Variants in CIMAP1A observed in about 807,000 individuals in gnomAD.
CIMAP1A encodes the protein cancer/testis antigen 135.
At chr11:200,184 T>C in the CIMAP1A span, 1 of 656,252 alleles carries the variant, frequency 1.5e-6, no homozygotes, top group Non-Finnish European at 2.6e-6. Context: ...AGTTACTTTT[T>C]TTCTATGCTA....
chr11:198,231 G>T, the CIMAP1A span: 1 of 1,614,006 alleles, frequency 6.2e-7, no homozygotes, highest in Non-Finnish European at 8.5e-7. Flanking sequence ...CACCAAGTAC[G>T]TGTTCGACTC....
chr11:198,071 C>A, the CIMAP1A span: 27 of 1,546,772 alleles, frequency 1.7e-5, no homozygotes, highest in East Asian at 3.2e-4. Flanking sequence ...CCTGACCCGA[C>A]TTGGTCACCA....
At chr11:198,291 A>G in the CIMAP1A span, 4 of 1,614,002 alleles carry the variant, frequency 2.5e-6, no homozygotes, top group Middle Eastern at 1.6e-4. Flanking sequence ...CCGAGTGGAC[A>G]GCACCCCAGG....
chr11:200,219 T>C, the CIMAP1A span: 2 of 594,386 alleles, frequency 3.4e-6, no homozygotes, highest in Non-Finnish European at 5.9e-6. Context: ...AATCTTGTTT[T>C]CTGCTGTGCC....
At chr11:198,929 G>C in the CIMAP1A span, 1 of 1,199,970 alleles carries the variant, frequency 8.3e-7, no homozygotes, top group Non-Finnish European at 1.0e-6. Context: ...GGGGGAGGAG[G>C]GTCCTGGTTT....
At chr11:200,166 T>C in the CIMAP1A span, 2 of 733,358 alleles carry the variant, frequency 2.7e-6, no homozygotes, top group Non-Finnish European at 4.4e-6. Flanking sequence ...GTTTGGGCAA[T>C]TGTAATCAGT....
chr11:197,578 C>A, the CIMAP1A span: 5 of 1,613,212 alleles, frequency 3.1e-6, no homozygotes, highest in Non-Finnish European at 3.4e-6. Context: ...GAAGCACACG[C>A]CCACCAAGCT....
the CIMAP1A span, chr11:199,821 A>G: frequency 6.8e-7 from 1 of 1,479,146 alleles, no homozygotes; most frequent in Non-Finnish European, 8.9e-7. Context: ...CAAACCTGGG[A>G]GCATAGCTTC....
At chr11:197,286 C>G in the CIMAP1A span, 2 of 1,542,404 alleles carry the variant, frequency 1.3e-6, no homozygotes, top group East Asian at 2.4e-5. Flanking sequence ...AACCCTCTCA[C>G]TTACGGACAG....
At chr11:199,459 C>A in the CIMAP1A span, 1 of 1,563,444 alleles carries the variant, frequency 6.4e-7, no homozygotes, top group South Asian at 1.2e-5. Flanking sequence ...TGTGGAGCCC[C>A]CAGGGGACAA....
At chr11:197,546 C>A in the CIMAP1A span, 102 of 1,612,018 alleles carry the variant, frequency 6.3e-5, 1 homozygote, top group South Asian at 1.0e-3. Flanking sequence ...TGCTCAGGGC[C>A]CATTGCGTCC....
the CIMAP1A span, chr11:197,744 T>G: frequency 5.0e-6 from 8 of 1,613,506 alleles, no homozygotes; most frequent in African/African-American, 1.3e-5. Flanking sequence ...ACCAAGACCA[T>G]GCTGACTCCT....
At chr11:199,380 C>G in the CIMAP1A span, 29 of 1,572,200 alleles carry the variant, frequency 1.8e-5, no homozygotes, top group Non-Finnish European at 2.5e-5. Flanking sequence ...CCCCAGGTCC[C>G]GCAGCCTACC....
At chr11:198,753 G>C in the CIMAP1A span, 3 of 1,447,230 alleles carry the variant, frequency 2.1e-6, no homozygotes, top group Non-Finnish European at 2.7e-6. Flanking sequence ...GCAGTGGTGA[G>C]GAGGGGCAGG....
the CIMAP1A span, chr11:199,326 C>A: frequency 6.4e-7 from 1 of 1,552,144 alleles, no homozygotes; most frequent in Non-Finnish European, 8.7e-7. Context: ...GGGCCACACG[C>A]CCTGGGTAGG....
chr11:198,258 A>T, the CIMAP1A span: 49 of 1,614,048 alleles, frequency 3.0e-5, no homozygotes, highest in African/African-American at 5.2e-4. Flanking sequence ...CAGCCACTCC[A>T]TCTCTGCCCG....
chr11:199,027 C>T, the CIMAP1A span: 3 of 1,210,156 alleles, frequency 2.5e-6, no homozygotes, highest in Non-Finnish European at 2.1e-6. Context: ...TGGCACCCAA[C>T]AGCCCTCGTC....
chr11:198,818 G>C, the CIMAP1A span: 7 of 1,398,068 alleles, frequency 5.0e-6, no homozygotes, highest in African/African-American at 1.4e-5. Context: ...CTGAGGACAA[G>C]AGATGGGGTT....
the CIMAP1A span, chr11:197,310 G>A: frequency 6.8e-4 from 1,071 of 1,576,520 alleles, 18 homozygotes; most frequent in South Asian, 0.011. Context: ...TGGCCATGAC[G>A]GAGGAGGTAT....
Sources: gnomAD v4.1 joint callset for allele counts on GRCh38, gnomAD v4.1.1 for gene constraint, MANE v1.5 for transcripts, NCBI Gene and HGNC (gene_info 2026-07-23, HGNC 2026-07-21) for gene names.